The following CACNA1H variants were observed in gnomAD, a reference collection of about 807,000 sequenced individuals.
The protein encoded by CACNA1H is voltage-dependent T-type calcium channel subunit alpha-1H.
A neutral mutation model predicts 192.5 loss-of-function variants in CACNA1H; 149 were observed. The ratio of observed to expected loss-of-function variants is 0.77; its 90% CI spans 0.68 to 0.89. The LOEUF is 0.89. Ranked by LOEUF, CACNA1H falls within the 40% of genes least tolerant of loss-of-function variation. The pLI is 0.00. For synonymous variants in CACNA1H, 2,202 were observed against 1,475.2 expected, an observed-to-expected ratio of 1.49 and a Z score of -11.29; for missense variants, 4,257 against 3,423.5, an observed-to-expected ratio of 1.24 and a Z score of -6.08.
In CACNA1H at chr16:1,206,063, G is replaced by A. The variant is rs377083395; in HGVS notation, c.2604-41G>A. 21 of 1,518,130 alleles carry A rather than the reference G, an allele frequency of 1.4e-5. No homozygotes were observed. In the African/African-American group the frequency reaches 1.9e-4, roughly 14 times the overall value. 94.0% of individuals were successfully genotyped at this position (1,518,130 alleles called of 1,614,324 possible). On this transcript the variant is annotated intron_variant, in intron 11 of 34. Transcript: ENST00000348261. ...CAGTGGGACGAGGGCCTGGGGTCAGGGATCGTGGCCCCGCTGACCCTCGCC... is the reference window on the plus strand; with the variant it reads ...CAGTGGGACGAGGGCCTGGGGTCAGAGATCGTGGCCCCGCTGACCCTCGCC...
intron 6 of CACNA1H, among the ~76,000 whole-genome samples, chr16:1,199,542 A>G (rs552699729): frequency 6.7e-6 from 1 of 149,378 alleles, no homozygotes; most frequent in African/African-American, 2.5e-5. Context: ...AGCCCCCAAG[A>G]CAGGTTAGTC....
rs59935412 is a variant in CACNA1H, at chr16:1,218,604, C to T, written c.5840C>T (p.Pro1947Leu). Residue 1947 changes from proline (P) to leucine (L), a missense_variant, in exon 33 of 35, where the codon CCG (proline) becomes CTG (leucine). Transcript: ENST00000348261. ...VVPASAPHPR[P>L]LQEVEMETYG... is the part of the protein sequence containing the mutation. ...CCTGCCTCGGCGCCCCACCCCCGCC[C>T]GCTGCAGGAGGTGGAGATGGAGACC... 1,607 of 1,565,184 alleles carry T rather than the reference C, an allele frequency of 1.0e-3. 15 individuals carry two copies. The African/African-American group carries it at 0.018, about 18-fold the overall frequency.
chr16:1,179,989 C>T (rs921859693), intron 2 of CACNA1H, among the ~76,000 whole-genome samples: 5 of 152,202 alleles, frequency 3.3e-5, no homozygotes, highest in Non-Finnish European at 7.3e-5. Flanking sequence ...CCTGCCTCGG[C>T]CTCCAAAAGT....
Position 1,179,827 on chromosome 16 carries a change from C to T in CACNA1H, c.300-15145C>T, listed in dbSNP as rs180702724. Among the ~76,000 whole-genome samples the T allele has an allele frequency of 1.1e-4, 17 of 149,566 alleles. No individual in the cohort carries two copies. The East Asian group carries it at 1.4e-3, about 12-fold the overall frequency. On this transcript the variant is annotated intron_variant, in intron 2 of 34. Transcript: ENST00000348261. ...TCCGCTCACTGCAACCTCTGCCTCA[C>T]GTGTTCAAGCGATTCTCCTGCCTCA...
intron 2 of CACNA1H, among the ~76,000 whole-genome samples, chr16:1,187,574 G>A (rs7185247): frequency 0.022 from 3,307 of 152,338 alleles, 84 homozygotes; most frequent in African/African-American, 0.059. Flanking sequence ...AGCGGGTGGG[G>A]CAGGAACGGC....
chr16:1,215,717 C>T, intron 30 of CACNA1H, 124 bp downstream of exon 30: 2 of 806,250 alleles, frequency 2.5e-6, no homozygotes. Context: ...GTGGCTGAAG[C>T]TGCGTCCCTG....
chr16:1,178,296 C>A (rs1965116601), intron 2 of CACNA1H, among the ~76,000 whole-genome samples: 1 of 145,864 alleles, frequency 6.9e-6, no homozygotes, highest in South Asian at 2.3e-4. Flanking sequence ...CTTTCTGGAC[C>A]CTCCCCCACG....
chr16:1,198,718 C>T lies in CACNA1H; in HGVS notation c.747C>T (p.Val249=), dbSNP rs1183292960. 6.2e-7 allele frequency: 1 copy of T among 1,613,296 alleles called. No homozygotes were observed. Among genetic ancestry groups the T allele is most frequent in the East Asian group, 2.2e-5 (1 of 44,882 alleles). ...FVFFIFGIVG[V]QLWAGLLRNR... is the part of the protein sequence containing the mutation. ...TCTTCATTTTCGGCATCGTTGGCGT[C>T]CAGCTCTGGGCTGGCCTCCTGCGGA... The change falls in exon 6 of 35, where the codon GTC becomes GTT. Residue 249 remains valine, a synonymous_variant. Coordinates refer to ENST00000348261, the MANE Select transcript of CACNA1H (RefSeq NM_021098.3).
In CACNA1H at chr16:1,220,486, A is replaced by G. The variant is rs1168289662; in HGVS notation, c.6554A>G (p.Lys2185Arg). 3.9e-6 allele frequency: 6 copies of G among 1,545,478 alleles called. No homozygotes were observed. Among genetic ancestry groups the G allele is most frequent in the South Asian group, 2.5e-5 (2 of 78,726 alleles). Residue 2185 changes from lysine to arginine, a missense_variant, in exon 35 of 35, where the codon AAG (lysine) becomes AGG (arginine). By Grantham distance (26) the Lys-to-Arg change is conservative. Transcript: ENST00000348261. ...CCCGCTCTGGGTGCGCGCAGAAAGA[A>G]GAAGATGAGCCCCCCCTGCATCTCG... ...AEPALGARRK[K>R]KMSPPCISVE...
In CACNA1H at chr16:1,195,051, G is replaced by T. The variant is rs761719764; in HGVS notation, c.379G>T (p.Glu127Ter). The change falls in exon 3 of 35, where the codon GAG (glutamate) becomes TAG (stop). Residue 127 changes from glutamate to a stop codon, truncating the protein, a stop_gained. Coordinates refer to ENST00000348261, the MANE Select transcript of CACNA1H (RefSeq NM_021098.3). LOFTEE classifies it high-confidence loss of function. The part of the protein sequence containing the change: ...LGMFRPCEDV[E>*]CGSERCNILE... The stretch of plus-strand genomic sequence containing the variant: ...CATGTTCCGGCCCTGTGAGGACGTT[G>T]AGTGCGGCTCCGAGCGCTGCAACAT... The T allele has an allele frequency of 2.0e-5, 33 of 1,610,560 alleles. No individual in the cohort carries two copies. Among genetic ancestry groups the T allele is most frequent in the Non-Finnish European group, 2.5e-6 (3 of 1,178,478 alleles).
At position 1,153,889 on chromosome 16, in the gene CACNA1H, C is replaced by T. The variant is rs915820138; in HGVS notation, c.152C>T (p.Ser51Phe). The T allele has an allele frequency of 4.2e-6, 6 of 1,441,170 alleles. No individual in the cohort carries two copies. Among genetic ancestry groups the T allele is most frequent in the Non-Finnish European group, 5.5e-6 (6 of 1,096,612 alleles). 89.3% of individuals were successfully genotyped at this position (1,441,170 alleles called of 1,614,324 possible). ...GGGTCCGAGCTCGGCGTGTCACCCT[C>T]CGAGAGCCCGGCGGCCGAGCGCGGC... The part of the protein sequence containing the change: ...ERGSELGVSP[S>F]ESPAAERGAE... Residue 51 changes from serine (S) to phenylalanine (F), a missense_variant, in exon 2 of 35, where the codon TCC becomes TTC. Transcript: ENST00000348261.
chr16:1,217,860 A>C, intron 31 of CACNA1H, 59 bp from the exon 32 acceptor site: 1 of 1,525,926 alleles, frequency 6.6e-7, no homozygotes, highest in South Asian at 1.2e-5. Flanking sequence ...GGCTGGGTGC[A>C]TGTCCCGCCT....
intron 27 of CACNA1H, 60 bp from the exon 28 acceptor site, chr16:1,214,912 G>A: frequency 7.6e-7 from 1 of 1,311,556 alleles, no homozygotes; most frequent in Non-Finnish European, 1.1e-6. Context: ...CAGAGTGGGA[G>A]CCAGGGGGAA....
intron 7 of CACNA1H, 44 bp downstream of exon 7, chr16:1,200,615 G>C: frequency 1.2e-6 from 2 of 1,605,518 alleles, no homozygotes; most frequent in Non-Finnish European, 8.5e-7. Context: ...GGCACGGCAG[G>C]GGAGCGGGTG....
intron 2 of CACNA1H, among the ~76,000 whole-genome samples, chr16:1,188,504 G>A (rs1966283134): frequency 6.6e-6 from 1 of 152,120 alleles, no homozygotes; most frequent in Non-Finnish European, 1.5e-5. Context: ...TCGGCGCAGA[G>A]ATAGCAGCTG....
chr16:1,220,673 G>T lies in CACNA1H; in HGVS notation c.6741G>T (p.Lys2247Asn). 1 of 1,608,792 alleles carries T rather than the reference G, an allele frequency of 6.2e-7. No homozygotes were observed. The change falls in exon 35 of 35, where the codon AAG (lysine) becomes AAT (asparagine). Residue 2247 changes from lysine to asparagine, a missense_variant. Physicochemically the swap from Lys to Asn is moderately conservative, Grantham distance 94 (BLOSUM62 0). Transcript: ENST00000348261. ...GSGAGGDPAA[K>N]GERWGQASCR... ...GCGCCGGGGGGGACCCTGCAGCCAAGGGGGAGCGCTGGGGCCAGGCCTCCT... is the reference window on the plus strand; with the variant it reads ...GCGCCGGGGGGGACCCTGCAGCCAATGGGGAGCGCTGGGGCCAGGCCTCCT...
intron 2 of CACNA1H, among the ~76,000 whole-genome samples, chr16:1,166,848 C>A (rs1963837657): frequency 6.6e-6 from 1 of 152,218 alleles, no homozygotes; most frequent in African/African-American, 2.4e-5. Flanking sequence ...TGGGCCGTTT[C>A]ACCCTTTGCT....
intron 18 of CACNA1H, 25 bp from the exon 19 acceptor site, chr16:1,210,345 C>CAAAAA: frequency 9.4e-7 from 1 of 1,058,316 alleles, no homozygotes; most frequent in Non-Finnish European, 1.4e-6. Flanking sequence ...CCCGCCCCAC[C>CAAAAA]TCTCACCCGC....
At chr16:1,206,979 A>T in intron 12 of CACNA1H, 22 bp from the exon 13 acceptor site, 1 of 1,264,560 alleles carries the variant, frequency 7.9e-7, no homozygotes, top group Non-Finnish European at 1.0e-6. Context: ...CACCCTCAAC[A>T]CGCCCCTGCC....
Sources: allele counts gnomAD v4.1 joint callset (sites outside exome capture counted in the v4.1 genomes callset), GRCh38; gene constraint gnomAD v4.1.1; transcripts MANE v1.5; gene names NCBI Gene and HGNC (gene_info 2026-07-23, HGNC 2026-07-21).